PLA2G6: variants seen among roughly 807,000 people sequenced by gnomAD.
PLA2G6 encodes the protein 85/88 kDa calcium-independent phospholipase A2.
A neutral mutation model predicts 83.8 loss-of-function variants in PLA2G6; 62 were observed. That is an observed-to-expected ratio of 0.74 (90% CI 0.60 to 0.91). The LOEUF is 0.91. Ranked by LOEUF, PLA2G6 falls within the 40% of genes least tolerant of loss-of-function variation. The pLI, the probability that PLA2G6 is intolerant of heterozygous loss-of-function variation, is 0.00. For synonymous variants in PLA2G6, 417 were observed against 449.8 expected (o/e 0.93, Z 0.92); for missense variants, 944 against 1,102.0 (o/e 0.86, Z 2.03).
At chr22:38,173,631 T>C (rs549631162) in intron 1 of PLA2G6, among the ~76,000 whole-genome samples, 1 of 151,944 alleles carries the variant, frequency 6.6e-6, no homozygotes, top group Non-Finnish European at 1.5e-5. Context: ...TGACAGAGAG[T>C]GTGCTGGTGT....
At chr22:38,125,752 A>G (rs1243251609) in intron 10 of PLA2G6, 5 of 468,468 alleles carry the variant, frequency 1.1e-5, no homozygotes, top group Non-Finnish European at 2.2e-5. Flanking sequence ...AGAGACTAAT[A>G]AAGAATAAAT....
Position 38,123,307 on chromosome 22 carries a change from G to A in PLA2G6, c.1428-49C>T. On this transcript the variant is annotated intron_variant, in intron 10 of 16. Transcript: ENST00000332509. This position sits in a 1 kb window ranked among gnomAD's most constrained non-coding sequence, Gnocchi z 4.1. The stretch of plus-strand genomic sequence containing the variant: ...GAGAGGAGGGTCCTGCCACAGCCCA[G>A]TACTTTACATCCACCCTCATAGCCC... The A allele has an allele frequency of 6.5e-7, 1 of 1,532,150 alleles. No individual in the cohort carries two copies. 94.9% of individuals were successfully genotyped at this position (1,532,150 alleles called of 1,614,324 possible).
intron 2 of PLA2G6, among the ~76,000 whole-genome samples, chr22:38,158,710 T>C (rs2089892344): frequency 6.6e-6 from 1 of 152,214 alleles, no homozygotes; most frequent in Admixed American, 6.5e-5. Flanking sequence ...TATATAGGTG[T>C]TCTTGAAAAG....
intron 1 of PLA2G6, among the ~76,000 whole-genome samples, chr22:38,176,054 G>A (rs1422602961): frequency 6.6e-6 from 1 of 152,140 alleles, no homozygotes; most frequent in African/African-American, 2.4e-5. Flanking sequence ...GAAATACCAT[G>A]CTCAAATCCC....
rs1243159163 is a variant in PLA2G6, at chr22:38,132,912, A to G, written c.996T>C (p.Cys332=). The G allele has an allele frequency of 3.2e-6, 5 of 1,556,796 alleles. No individual in the cohort carries two copies. In the Admixed American group the frequency reaches 9.6e-5, roughly 30 times the overall value. Residue 332 remains cysteine (C), a synonymous_variant, in exon 7 of 17, where the codon TGT becomes TGC. Coordinates refer to ENST00000332509, the MANE Select transcript of PLA2G6 (RefSeq NM_003560.4). The surrounding 1 kb of genome is among the most constrained non-coding windows in gnomAD (Gnocchi z 5.0). ...HVAVMRNRFD[C]AIVLLTHGAN... ...CCCCGTGGGTCAGCAGCACTATGGCACAGTCGAAGCGGTTGCGCATCACCG... is the reference window on the plus strand; with the variant it reads ...CCCCGTGGGTCAGCAGCACTATGGCGCAGTCGAAGCGGTTGCGCATCACCG...
At chr22:38,124,857 A>G (rs938241141) in intron 10 of PLA2G6, among the ~76,000 whole-genome samples, 8 of 152,150 alleles carry the variant, frequency 5.3e-5, no homozygotes, top group African/African-American at 1.9e-4. Flanking sequence ...GAGAGACTAC[A>G]CTGTTGCTGG....
intron 8 of PLA2G6, 48 bp downstream of exon 8, chr22:38,129,406 T>G (rs760467408): frequency 1.5e-6 from 2 of 1,312,206 alleles, no homozygotes; most frequent in Non-Finnish European, 2.2e-6. Flanking sequence ...GGTCCCTGTA[T>G]CCACCCAACC....
chr22:38,112,726 G>T, intron 15 of PLA2G6, 149 bp from the exon 16 acceptor site: 1 of 702,066 alleles, frequency 1.4e-6, no homozygotes, highest in South Asian at 1.5e-5. Flanking sequence ...AGAGCGGCTC[G>T]GGCAAAACCC....
intron 2 of PLA2G6, among the ~76,000 whole-genome samples, chr22:38,152,136 G>A (rs1468672708): frequency 3.3e-5 from 5 of 152,130 alleles, no homozygotes; most frequent in Admixed American, 3.3e-4. Flanking sequence ...CCTCATGAAT[G>A]AATGCCCTCC....
chr22:38,152,508 G>A (rs1211903796), intron 2 of PLA2G6, among the ~76,000 whole-genome samples: 3 of 150,460 alleles, frequency 2.0e-5, no homozygotes, highest in South Asian at 2.1e-4. Context: ...TGCCTGGCCC[G>A]TGCCTGGCAC....
intron 2 of PLA2G6, chr22:38,150,633 G>A (rs996852587): frequency 1.8e-4 from 28 of 152,174 alleles, no homozygotes; most frequent in African/African-American, 6.8e-4. Flanking sequence ...GCTGATATAT[G>A]TGCCACATTA....
intron 12 of PLA2G6, among the ~76,000 whole-genome samples, chr22:38,118,495 G>A (rs2087338009): frequency 6.6e-6 from 1 of 152,196 alleles, no homozygotes; most frequent in African/African-American, 2.4e-5. Flanking sequence ...AGTACCTGGA[G>A]CAGTTAAACT....
chr22:38,171,326 G>A (rs1342203016), intron 1 of PLA2G6, among the ~76,000 whole-genome samples: 1 of 152,064 alleles, frequency 6.6e-6, no homozygotes, highest in Non-Finnish European at 1.5e-5. Context: ...ATCCAAGCTT[G>A]GTTCTCGTGG....
chr22:38,150,571 C>T (rs776557644), intron 2 of PLA2G6: 1 of 152,160 alleles, frequency 6.6e-6, no homozygotes, highest in Non-Finnish European at 1.5e-5. Context: ...ACAGCAATAA[C>T]TGATAATGAT....
intron 5 of PLA2G6, chr22:38,136,014 G>A (rs2088530275): frequency 6.6e-6 from 1 of 152,148 alleles, no homozygotes; most frequent in South Asian, 2.1e-4. Flanking sequence ...ATTCTGATAC[G>A]TGCTGCAACA....
chr22:38,157,209 C>A (rs1192506995), intron 2 of PLA2G6, among the ~76,000 whole-genome samples: 1 of 151,810 alleles, frequency 6.6e-6, no homozygotes, highest in East Asian at 1.9e-4. Context: ...ATCAATAAAT[C>A]TTTAACTAGA....
At chr22:38,126,042 G>C (rs2087832816) in intron 10 of PLA2G6, among the ~76,000 whole-genome samples, 1 of 152,176 alleles carries the variant, frequency 6.6e-6, no homozygotes, top group African/African-American at 2.4e-5. Context: ...CAGCTGCTGA[G>C]ATCTCCCCAG....
intron 4 of PLA2G6, chr22:38,142,218 A>AG (rs2088958402): frequency 6.6e-6 from 1 of 151,198 alleles, no homozygotes; most frequent in Non-Finnish European, 1.5e-5. Context: ...AAAAAAAAAA[A>AG]AAAGGAATCC....
At chr22:38,112,888 CCTCTCTCTCT>C (rs34550422) in intron 15 of PLA2G6, 2 of 453,178 alleles carry the variant, frequency 4.4e-6, no homozygotes, top group African/African-American at 2.0e-5. Flanking sequence ...CTCCCTCCCT[CCTCTCTCTCT>C]CTCTCTCTCT....
Sources: gnomAD v4.1 joint callset for allele counts (sites outside exome capture counted in the v4.1 genomes callset) on GRCh38, gnomAD v4.1.1 for gene constraint, Gnocchi (gnomAD v3.1) non-coding constraint, MANE v1.5 for transcripts, NCBI Gene and HGNC (gene_info 2026-07-23, HGNC 2026-07-21) for gene names.